OSBPL10: variants seen among roughly 807,000 people sequenced by gnomAD.
OSBPL10 encodes the protein oxysterol-binding protein-related protein 10.
In OSBPL10, 49 loss-of-function variants were observed where a neutral mutation model predicts 81.7. That is an observed-to-expected ratio of 0.60 (90% confidence interval 0.48 to 0.76). The LOEUF (loss-of-function observed/expected upper bound fraction) is 0.76. OSBPL10 is among the 30% of genes least tolerant of loss of function. The pLI, the probability that OSBPL10 is intolerant of heterozygous loss-of-function variation, is 0.00. For missense variants in OSBPL10, 923 were observed against 987.8 expected, an observed-to-expected ratio of 0.93 and a Z score of 0.88; for synonymous variants, 419 against 383.6, an observed-to-expected ratio of 1.09 and a Z score of -1.08.
intron 1 of OSBPL10, among the ~76,000 whole-genome samples, chr3:31,956,928 T>C (rs919959721): frequency 6.6e-6 from 1 of 151,880 alleles, no homozygotes; most frequent in African/African-American, 2.4e-5. Context: ...AGTCCAGAAG[T>C]TCAAGACCAG....
chr3:31,843,950 G>A (rs1045268279), intron 3 of OSBPL10, among the ~76,000 whole-genome samples: 1 of 152,204 alleles, frequency 6.6e-6, no homozygotes, highest in Non-Finnish European at 1.5e-5. Context: ...AGCAGAGAGA[G>A]GGCAGATGAG....
chr3:32,043,439 A>G (rs1699594616), intron 2 of OSBPL10, among the ~76,000 whole-genome samples: 1 of 152,238 alleles, frequency 6.6e-6, no homozygotes, highest in African/African-American at 2.4e-5. Context: ...AGTTAACACA[A>G]TTATCACAGT....
intron 11 of OSBPL10, chr3:31,663,111 C>T: frequency 1.0e-6 from 1 of 985,418 alleles, no homozygotes; most frequent in Non-Finnish European, 1.2e-6. Context: ...CACTTCTCAG[C>T]CTCGTATATA....
In OSBPL10 at chr3:31,922,246, T is replaced by C. The variant is rs9830087; in HGVS notation, c.282-42416A>G. On this transcript the variant is annotated intron_variant, in intron 1 of 11. Coordinates refer to ENST00000396556, the MANE Select transcript of OSBPL10 (RefSeq NM_017784.5). ...GGTTATTAATGGTAATGTAACCACA[T>C]AAACGTAAAATGTTAATAATAGAGA... 4.8e-3 allele frequency among the ~76,000 whole-genome samples: 736 copies of C among 152,320 alleles called. 10 individuals carry two copies. Among genetic ancestry groups the C allele is most frequent in the African/African-American group, 0.017 (702 of 41,576 alleles).
intron 5 of OSBPL10, among the ~76,000 whole-genome samples, chr3:31,745,779 A>G (rs1356849674): frequency 6.6e-6 from 1 of 152,224 alleles, no homozygotes; most frequent in East Asian, 1.9e-4. Flanking sequence ...AACATGTAGC[A>G]AAGGCCAAGT....
At chr3:31,811,852 C>T (rs1208753162) in intron 4 of OSBPL10, among the ~76,000 whole-genome samples, 1 of 151,954 alleles carries the variant, frequency 6.6e-6, no homozygotes, top group Non-Finnish European at 1.5e-5. Context: ...GACAAATGGC[C>T]CATAGGTATC....
chr3:31,883,901 C>T (rs1173669380), intron 1 of OSBPL10, among the ~76,000 whole-genome samples: 1 of 152,190 alleles, frequency 6.6e-6, no homozygotes, highest in African/African-American at 2.4e-5. Context: ...AACATGTCCT[C>T]AGTTTCCCCA....
intron 4 of OSBPL10, among the ~76,000 whole-genome samples, chr3:31,823,184 C>T (rs1259670045): frequency 6.6e-6 from 1 of 152,166 alleles, no homozygotes; most frequent in African/African-American, 2.4e-5. Flanking sequence ...AACCAATTGC[C>T]AGGTCTCCTC....
intron 1 of OSBPL10, chr3:31,919,484 G>C (rs1434569721): frequency 1.3e-5 from 2 of 152,186 alleles, no homozygotes; most frequent in Non-Finnish European, 2.9e-5. Context: ...CAGAGAGGAA[G>C]TGTTTTCTCC....
intron 4 of OSBPL10, among the ~76,000 whole-genome samples, chr3:31,826,201 T>G (rs75397566): frequency 6.6e-6 from 1 of 152,182 alleles, no homozygotes; most frequent in Non-Finnish European, 1.5e-5. Context: ...TTACTATACA[T>G]CACCAGATTG....
chr3:31,812,449 TCAAA>T (rs146512582), intron 4 of OSBPL10, among the ~76,000 whole-genome samples: 2 of 152,286 alleles, frequency 1.3e-5, no homozygotes, highest in Middle Eastern at 3.4e-3. Context: ...ATCAATATAT[TCAAA>T]CAAAGAATTT....
chr3:31,840,155 G>A (rs917480663), intron 3 of OSBPL10, among the ~76,000 whole-genome samples: 5 of 151,944 alleles, frequency 3.3e-5, no homozygotes, highest in Non-Finnish European at 7.4e-5. Context: ...TGCGTGCTGA[G>A]GAATTCTATA....
chr3:31,902,522 C>T (rs541842916), intron 1 of OSBPL10, among the ~76,000 whole-genome samples: 1 of 152,110 alleles, frequency 6.6e-6, no homozygotes, highest in South Asian at 2.1e-4. Context: ...CTCAGCCTCT[C>T]AAAGTGCTGG....
chr3:31,962,876 C>T (rs1206072449), intron 1 of OSBPL10, among the ~76,000 whole-genome samples: 1 of 152,206 alleles, frequency 6.6e-6, no homozygotes, highest in Non-Finnish European at 1.5e-5. Context: ...ATGCGCCAGG[C>T]ACTGTGCCAG....
chr3:31,857,867 GGAGAGGGAAA>G (rs1700964732), intron 3 of OSBPL10, among the ~76,000 whole-genome samples: 1 of 133,246 alleles, frequency 7.5e-6, no homozygotes, highest in African/African-American at 2.9e-5. Context: ...GGAGGGAGAG[GGAGAGGGAAA>G]GGGGGGGAGA....
intron 7 of OSBPL10, among the ~76,000 whole-genome samples, chr3:31,688,386 T>C (rs1185553683): frequency 1.3e-5 from 2 of 151,590 alleles, no homozygotes; most frequent in Admixed American, 1.3e-4. Flanking sequence ...CTCAAGTAGC[T>C]CCCTGCTCTG....
At position 31,981,050 on chromosome 3, in the gene OSBPL10, ACCGGCTGGAGACCCC is replaced by A; in HGVS notation, c.115_129del (p.Gly39_Arg43del). ...CCGCCGCCGAGCCCGGCCGCCGCCG[ACCGGCTGGAGACCCC>A]CCGGCCCGCCAGAGAGCAGGAGGGC... is the stretch of plus-strand genomic sequence containing the variant. On this transcript the variant is annotated inframe_deletion, in exon 1 of 12. Coordinates refer to ENST00000396556, the MANE Select transcript of OSBPL10 (RefSeq NM_017784.5). This position sits in a 1 kb window ranked among gnomAD's most constrained non-coding sequence, Gnocchi z 4.5. 6.8e-7 allele frequency: 1 copy of A among 1,481,018 alleles called. No individual in the cohort carries two copies. The highest frequency in any genetic ancestry group is 8.9e-7 in the Non-Finnish European group (1 of 1,120,078). 91.7% of individuals were successfully genotyped at this position (1,481,018 alleles called of 1,614,324 possible).
At chr3:31,779,523 A>AAT (rs1445954414) in intron 4 of OSBPL10, among the ~76,000 whole-genome samples, 2 of 152,220 alleles carry the variant, frequency 1.3e-5, no homozygotes. Flanking sequence ...CGCAACCCTA[A>AAT]ATATATATGC....
intron 2 of OSBPL10, among the ~76,000 whole-genome samples, chr3:32,002,741 C>T (rs1699164143): frequency 6.6e-6 from 1 of 152,230 alleles, no homozygotes; most frequent in African/African-American, 2.4e-5. Flanking sequence ...GCACTACTCA[C>T]TCCAAGAAGG....
Sources: allele counts gnomAD v4.1 joint callset (sites outside exome capture counted in the v4.1 genomes callset), GRCh38; gene constraint gnomAD v4.1.1; non-coding constraint Gnocchi (gnomAD v3.1); transcripts MANE v1.5; gene names NCBI Gene and HGNC (gene_info 2026-07-23, HGNC 2026-07-21).